The following TMEM178B variants were observed in gnomAD, a reference collection of about 807,000 sequenced individuals.
TMEM178B encodes transmembrane protein 178B.
TMEM178B carries 5 observed loss-of-function variants against 31.0 expected under a neutral mutation model. That is an observed-to-expected ratio of 0.16 (90% CI 0.08 to 0.34). The LOEUF (loss-of-function observed/expected upper bound fraction) is 0.34. Ranked by LOEUF, TMEM178B falls within the 10% of genes least tolerant of loss-of-function variation. The probability of loss-of-function intolerance (pLI) is 1.00; values close to 1 mark genes in which losing one functional copy is unlikely to be tolerated. For synonymous variants in TMEM178B, 164 were observed against 164.0 expected (o/e 1.00, Z 0.00); for missense variants, 275 against 400.3 (o/e 0.69, Z 2.67).
intron 1 of TMEM178B, among the ~76,000 whole-genome samples, chr7:141,201,420 A>G: frequency 6.6e-6 from 1 of 152,144 alleles, no homozygotes; most frequent in East Asian, 1.9e-4. Context: ...CTGGAAGAAA[A>G]GGAGACTTGT....
chr7:141,390,495 T>C (rs770478034), intron 2 of TMEM178B, among the ~76,000 whole-genome samples: 4 of 152,258 alleles, frequency 2.6e-5, no homozygotes, highest in South Asian at 2.1e-4. Context: ...AATCCTCTCC[T>C]ACTCCACAGG....
At position 141,099,955 on chromosome 7, in the gene TMEM178B, G is replaced by A. The variant is rs532943025; in HGVS notation, c.382+25263G>A. 3.9e-4 allele frequency among the ~76,000 whole-genome samples: 60 copies of A among 152,110 alleles called. No homozygotes were observed. In the South Asian group the frequency reaches 7.5e-3, roughly 19 times the overall value. On this transcript the variant is annotated intron_variant, in intron 1 of 3. Coordinates refer to ENST00000565468, the MANE Select transcript of TMEM178B (RefSeq NM_001195278.2). ...CGCCATTCTCCTCCCTCGTAGCTGGGACTACAGGCACCCGCCACCACACCC... is the reference window on the plus strand; with the variant it reads ...CGCCATTCTCCTCCCTCGTAGCTGGAACTACAGGCACCCGCCACCACACCC...
At chr7:141,449,446 G>T (rs966477083) in intron 3 of TMEM178B, among the ~76,000 whole-genome samples, 1 of 152,118 alleles carries the variant, frequency 6.6e-6, no homozygotes, top group Non-Finnish European at 1.5e-5. Flanking sequence ...AGGAAGGGGG[G>T]CACTCTCTGC....
At chr7:141,086,633 C>T (rs1478125095) in intron 1 of TMEM178B, among the ~76,000 whole-genome samples, 1 of 152,070 alleles carries the variant, frequency 6.6e-6, no homozygotes, top group Admixed American at 6.6e-5. Flanking sequence ...TTACTTTTCT[C>T]AAGAAAGGGA....
chr7:141,264,711 G>A (rs951395642), intron 2 of TMEM178B, among the ~76,000 whole-genome samples: 1 of 152,208 alleles, frequency 6.6e-6, no homozygotes, highest in Non-Finnish European at 1.5e-5. Context: ...AGGACTGAGA[G>A]CTAGTCTTGC....
In TMEM178B at chr7:141,150,271, A is replaced by G. The variant is rs541596268; in HGVS notation, c.383-62320A>G. Among the ~76,000 whole-genome samples the G allele has an allele frequency of 1.0e-3, 154 of 152,332 alleles. No individual in the cohort carries two copies. In the Middle Eastern group the frequency reaches 0.01, roughly 10 times the overall value. ...ACCCTGAACGGCCTTGAAACATCCT[A>G]GTTTGGAAAAAAGTATTTTCCAATG... On this transcript the variant is annotated intron_variant, in intron 1 of 3. Transcript: ENST00000565468.
At chr7:141,174,822 T>G (rs1462644102) in intron 1 of TMEM178B, among the ~76,000 whole-genome samples, 1 of 152,230 alleles carries the variant, frequency 6.6e-6, no homozygotes, top group East Asian at 1.9e-4. Flanking sequence ...TGTTTTTTCA[T>G]GTAAATCTGT....
chr7:141,511,272 A>G, the TMEM178B span, among the ~76,000 whole-genome samples: 1 of 23,394 alleles, frequency 4.3e-5, no homozygotes, highest in Non-Finnish European at 8.4e-5. Context: ...GGCCCAAGAG[A>G]AGTCTCAGAT....
chr7:141,264,598 G>A lies in TMEM178B; in HGVS notation c.496+51894G>A, dbSNP rs544657338. Among the ~76,000 whole-genome samples the A allele has an allele frequency of 6.4e-4, 97 of 152,304 alleles. 1 individual carries two copies. The South Asian group carries it at 0.017, about 27-fold the overall frequency. ...AATAGAGTGGGAGACATGAAACCCA[G>A]TGGATTTGTTGGTAAGTGAAATACT... On this transcript the variant is annotated intron_variant, in intron 2 of 3. Coordinates refer to ENST00000565468, the MANE Select transcript of TMEM178B (RefSeq NM_001195278.2).
At chr7:141,111,640 A>G (rs969619518) in intron 1 of TMEM178B, among the ~76,000 whole-genome samples, 3 of 149,088 alleles carry the variant, frequency 2.0e-5, no homozygotes, top group Non-Finnish European at 4.5e-5. Flanking sequence ...GCTTGTGTAG[A>G]TCGGAGAAGA....
intron 2 of TMEM178B, among the ~76,000 whole-genome samples, chr7:141,364,429 G>C (rs1028595005): frequency 2.0e-5 from 3 of 152,124 alleles, no homozygotes; most frequent in Admixed American, 2.0e-4. Context: ...GGGAGGCCAA[G>C]GTGGGCGGAT....
chr7:141,088,240 G>A (rs970439458), intron 1 of TMEM178B, among the ~76,000 whole-genome samples: 1 of 151,934 alleles, frequency 6.6e-6, no homozygotes, highest in African/African-American at 2.4e-5. Context: ...GTTCTTTTTA[G>A]TTGTGGCTTC....
At position 141,477,774 on chromosome 7, in the gene TMEM178B, G is replaced by T. The variant is rs1302404836; in HGVS notation, c.*6988G>T. 2 of 152,346 alleles carry T rather than the reference G, an allele frequency of 1.3e-5. No individual in the cohort carries two copies. The highest frequency in any genetic ancestry group is 1.9e-4 in the East Asian group (1 of 5,182). The allele number at this position is 152,346 out of a possible 1,614,324, so 9.4% of individuals were successfully genotyped here. A position where few individuals can be genotyped will look rare whatever the true frequency, so the allele number is the denominator to read the frequency against. On this transcript the variant is annotated 3_prime_UTR_variant, in exon 4 of 4. Coordinates refer to ENST00000565468, the MANE Select transcript of TMEM178B (RefSeq NM_001195278.2). Reference sequence around the variant, plus strand: ...GAGCCCTTGCTAGTGCGTGCTTACTGCATGGAGGTAAATTAGGAGATGTTT... The same window carrying T: ...GAGCCCTTGCTAGTGCGTGCTTACTTCATGGAGGTAAATTAGGAGATGTTT...
At chr7:141,259,990 C>T (rs1377716817) in intron 2 of TMEM178B, among the ~76,000 whole-genome samples, 1 of 152,184 alleles carries the variant, frequency 6.6e-6, no homozygotes, top group Non-Finnish European at 1.5e-5. Flanking sequence ...AGTGTGAGCA[C>T]AGCCTTGTAA....
chr7:141,494,489 C>G, the TMEM178B span, among the ~76,000 whole-genome samples: 1 of 152,190 alleles, frequency 6.6e-6, no homozygotes, highest in African/African-American at 2.4e-5. Flanking sequence ...AGAGACAAAT[C>G]TGAGACTTGA....
intron 2 of TMEM178B, among the ~76,000 whole-genome samples, chr7:141,373,894 A>G (rs1239952891): frequency 6.6e-6 from 1 of 152,178 alleles, no homozygotes; most frequent in Non-Finnish European, 1.5e-5. Context: ...GTGAAAGAGG[A>G]CTCACAACTA....
chr7:141,271,669 G>C (rs1244519386), intron 2 of TMEM178B, among the ~76,000 whole-genome samples: 1 of 152,142 alleles, frequency 6.6e-6, no homozygotes, highest in Non-Finnish European at 1.5e-5. Flanking sequence ...CTCCAGCGTT[G>C]AGCTCAACTC....
chr7:141,358,395 A>G (rs1799859289), intron 2 of TMEM178B, among the ~76,000 whole-genome samples: 1 of 152,202 alleles, frequency 6.6e-6, no homozygotes, highest in Non-Finnish European at 1.5e-5. Flanking sequence ...TTCATCTACA[A>G]GAAACCTCTA....
At chr7:141,152,110 C>T (rs1795984935) in intron 1 of TMEM178B, among the ~76,000 whole-genome samples, 1 of 152,194 alleles carries the variant, frequency 6.6e-6, no homozygotes, top group African/African-American at 2.4e-5. Flanking sequence ...AAGCCTGTGG[C>T]AGCTGCCTCC....
Sources: allele counts gnomAD v4.1 joint callset (sites outside exome capture counted in the v4.1 genomes callset), GRCh38; gene constraint gnomAD v4.1.1; transcripts MANE v1.5; gene names NCBI Gene and HGNC (gene_info 2026-07-23, HGNC 2026-07-21).